AMZ2: variants seen among roughly 807,000 people sequenced by gnomAD.
AMZ2 encodes the protein archaemetzincin-2.
AMZ2 carries 26 observed loss-of-function variants against 36.7 expected under a neutral mutation model. That is an observed-to-expected ratio of 0.71 (90% CI 0.52 to 0.98). The LOEUF is 0.98. Ranked by LOEUF, AMZ2 falls within the 50% of genes least tolerant of loss-of-function variation. The probability of loss-of-function intolerance (pLI) is 0.00; values close to 1 mark genes in which losing one functional copy is unlikely to be tolerated. For synonymous variants in AMZ2, 144 were observed against 149.1 expected, an observed-to-expected ratio of 0.97 and a Z score of 0.25; for missense variants, 394 against 430.5, an observed-to-expected ratio of 0.92 and a Z score of 0.75.
At chr17:68,210,957 AG>A (rs71142141) in intron 1 of AMZ2, among the ~76,000 whole-genome samples, 9,702 of 117,648 alleles carry the variant, frequency 0.082, 796 homozygotes, top group African/African-American at 0.23. Flanking sequence ...TCAAAAAAAA[AG>A]GGGGGGGGGG....
intron 1 of AMZ2, chr17:68,206,255 G>C (rs2072825439): frequency 7.7e-7 from 1 of 1,298,936 alleles, no homozygotes; most frequent in South Asian, 3.2e-5. Flanking sequence ...ACCCAGCCCA[G>C]TTGCTGCAGA....
Position 68,248,198 on chromosome 17 carries a change from CG to C in AMZ2, c.-506del. On this transcript the variant is annotated 5_prime_UTR_variant, in exon 1 of 7. Coordinates refer to ENST00000359904, the MANE Select transcript of AMZ2 (RefSeq NM_016627.5). Reference sequence around the variant, plus strand: ...CGTAGAGGCGGGGGCCGGTCGCGGTCGGTGGAGCGGGATGAGGATGTAGGAG... The same window carrying C: ...CGTAGAGGCGGGGGCCGGTCGCGGTCGTGGAGCGGGATGAGGATGTAGGAG... 6.1e-6 allele frequency: 6 copies of C among 986,288 alleles called. No individual in the cohort carries two copies. Among genetic ancestry groups the C allele is most frequent in the Non-Finnish European group, 7.2e-6 (6 of 830,690 alleles). 61.1% of individuals were successfully genotyped at this position (986,288 alleles called of 1,614,324 possible). A position where few individuals can be genotyped will look rare whatever the true frequency, so the allele number is the denominator to read the frequency against.
chr17:68,216,378 C>A (rs1194657099), intron 1 of AMZ2, among the ~76,000 whole-genome samples: 1 of 152,174 alleles, frequency 6.6e-6, no homozygotes, highest in Non-Finnish European at 1.5e-5. Flanking sequence ...AAGCAATCCT[C>A]CCACCGCAGC....
intron 1 of AMZ2, among the ~76,000 whole-genome samples, chr17:68,219,197 C>A (rs1420070469): frequency 1.6e-4 from 24 of 152,128 alleles, no homozygotes; most frequent in Non-Finnish European, 2.8e-4. Context: ...GAACGCCTGA[C>A]CTTGTAATCC....
intron 1 of AMZ2, among the ~76,000 whole-genome samples, chr17:68,211,223 C>T (rs1332570485): frequency 6.6e-6 from 1 of 152,098 alleles, no homozygotes; most frequent in African/African-American, 2.4e-5. Flanking sequence ...CTGGAATTGG[C>T]CGGGCACGGT....
At chr17:68,209,632 A>ATATATATATGTATATATATAT in intron 1 of AMZ2, among the ~76,000 whole-genome samples, 5 of 90,688 alleles carry the variant, frequency 5.5e-5, no homozygotes, top group East Asian at 8.3e-4. Flanking sequence ...ATATATATAT[A>ATATATATATGTATATATATAT]TTTTTTTTTT....
At chr17:68,210,297 T>G (rs2073004032) in intron 1 of AMZ2, among the ~76,000 whole-genome samples, 1 of 152,246 alleles carries the variant, frequency 6.6e-6, no homozygotes, top group Non-Finnish European at 1.5e-5. Flanking sequence ...ACATGTGCAT[T>G]AACTGATGAA....
chr17:68,225,158 C>T (rs2073482984), intron 1 of AMZ2, among the ~76,000 whole-genome samples: 1 of 152,106 alleles, frequency 6.6e-6, no homozygotes. Context: ...AACCACTGCA[C>T]TCCAGCTTGG....
intron 1 of AMZ2, among the ~76,000 whole-genome samples, chr17:68,221,214 C>CG (rs1338538911): frequency 3.6e-5 from 3 of 83,572 alleles, no homozygotes; most frequent in South Asian, 6.5e-4. Context: ...TCAGCTCCCC[C>CG]CCCCGCCCCC....
intron 1 of AMZ2, among the ~76,000 whole-genome samples, chr17:68,221,215 CCCCG>C (rs1568348083): frequency 1.6e-4 from 15 of 91,336 alleles, no homozygotes; most frequent in African/African-American, 5.7e-4. Flanking sequence ...CAGCTCCCCC[CCCCG>C]CCCCCCCGGT....
chr17:68,220,592 T>C (rs71387386), intron 1 of AMZ2, among the ~76,000 whole-genome samples: 12,586 of 151,974 alleles, frequency 0.083, 715 homozygotes, highest in Non-Finnish European at 0.12. Context: ...CTTTGGGTGA[T>C]AAGAAAATGA....
chr17:68,230,623 A>G (rs1319230437), intron 1 of AMZ2, among the ~76,000 whole-genome samples: 4 of 152,312 alleles, frequency 2.6e-5, no homozygotes, highest in East Asian at 1.9e-4. Flanking sequence ...GATGTGTTCT[A>G]TCCCACAGCC....
At chr17:68,206,195 A>T in exon 1 of AMZ2, 1 of 1,304,774 alleles carries the variant, frequency 7.7e-7, no homozygotes, top group Non-Finnish European at 9.8e-7. Context: ...GTTACTGCAC[A>T]GAAAGCAGCT....
At position 68,251,167 on chromosome 17, in the gene AMZ2, C is replaced by G; in HGVS notation, c.575C>G (p.Ser192Cys). Reference protein sequence around the residue: ...DSWNFVFGQASLTDGVGIFSF... With the variant: ...DSWNFVFGQACLTDGVGIFSF... ...TGGAATTTTGTCTTTGGACAGGCCTCTTTGACAGATGGTATTCCGTTTTTG... is the reference window on the plus strand; with the variant it reads ...TGGAATTTTGTCTTTGGACAGGCCTGTTTGACAGATGGTATTCCGTTTTTG... Residue 192 changes from serine to cysteine, a missense_variant, in exon 4 of 7, where the codon TCT becomes TGT. Ser to Cys is a moderately radical substitution (Grantham distance 112). Coordinates refer to ENST00000359904, the MANE Select transcript of AMZ2 (RefSeq NM_016627.5). The G allele has an allele frequency of 6.2e-7, 1 of 1,610,136 alleles. No individual in the cohort carries two copies. Among genetic ancestry groups the G allele is most frequent in the Non-Finnish European group, 8.5e-7 (1 of 1,179,108 alleles).
chr17:68,234,711 A>T (rs2073746347), intron 1 of AMZ2, among the ~76,000 whole-genome samples: 1 of 152,098 alleles, frequency 6.6e-6, no homozygotes, highest in Non-Finnish European at 1.5e-5. Flanking sequence ...TCAAGGCTAA[A>T]GTGAGCCCTG....
rs1326351597 is a variant in AMZ2, at chr17:68,254,521, A to G, written c.704A>G (p.Tyr235Cys). 7.4e-6 allele frequency: 12 copies of G among 1,613,144 alleles called. No individual in the cohort carries two copies. The highest frequency in any genetic ancestry group is 4.0e-5 in the African/African-American group (3 of 74,928). Reference sequence around the variant, plus strand: ...AGTGACTATTCAATTTTCGACAACTATTATATTCCAGAAATAACTAGTGTT... The same window carrying G: ...AGTGACTATTCAATTTTCGACAACTGTTATATTCCAGAAATAACTAGTGTT... ...SSSDYSIFDN[Y>C]YIPEITSVLL... is the part of the protein sequence containing the mutation. Residue 235 changes from tyrosine (Y) to cysteine (C), a missense_variant, in exon 5 of 7, where the codon TAT becomes TGT. By Grantham distance (194) the Tyr-to-Cys change is radical (BLOSUM62 -2). Transcript: ENST00000359904.
At chr17:68,246,193 T>TAAAAA (rs2074001260), upstream of AMZ2, among the ~76,000 whole-genome samples, 2 of 20,836 alleles carry the variant, frequency 9.6e-5, no homozygotes, top group African/African-American at 2.1e-4. Flanking sequence ...CTACTAAAAA[T>TAAAAA]ACAAAAAAAA....
intron 1 of AMZ2, among the ~76,000 whole-genome samples, chr17:68,228,528 C>G (rs2073573760): frequency 6.6e-6 from 1 of 152,212 alleles, no homozygotes; most frequent in Non-Finnish European, 1.5e-5. Context: ...TGCCTCCCCT[C>G]CTTGGGAGGC....
chr17:68,221,530 C>A lies in AMZ2; in HGVS notation c.-67+15292C>A, dbSNP rs1449117009. On this transcript the variant is annotated intron_variant, in intron 1 of 7. Coordinates refer to the AMZ2 transcript ENST00000674770. ...GGACCACGAGGTCAGGAGATTGAGACCATCCTGGCTAACAGTGAAACCCCA... is the reference window on the plus strand; with the variant it reads ...GGACCACGAGGTCAGGAGATTGAGAACATCCTGGCTAACAGTGAAACCCCA... Among the ~76,000 whole-genome samples the A allele has an allele frequency of 4.0e-5, 6 of 151,664 alleles. No homozygotes were observed. In the East Asian group the frequency reaches 1.2e-3, roughly 29 times the overall value.
Sources: allele counts gnomAD v4.1 joint callset (sites outside exome capture counted in the v4.1 genomes callset), GRCh38; gene constraint gnomAD v4.1.1; transcripts MANE v1.5; gene names NCBI Gene and HGNC (gene_info 2026-07-23, HGNC 2026-07-21).